Variants in KCNMB4 observed in about 807,000 individuals in gnomAD.
KCNMB4 encodes calcium-activated potassium channel subunit beta-4.
KCNMB4 carries 3 observed loss-of-function variants against 20.7 expected under a neutral mutation model. That is an observed-to-expected ratio of 0.14 (90% confidence interval 0.07 to 0.37). KCNMB4 has a LOEUF of 0.37. KCNMB4 is among the 10% of genes least tolerant of loss of function. The probability of loss-of-function intolerance (pLI) is 1.00; values close to 1 mark genes in which losing one functional copy is unlikely to be tolerated. For synonymous variants in KCNMB4, 110 were observed against 113.4 expected (o/e 0.97, Z 0.19); for missense variants, 168 against 265.9 (o/e 0.63, Z 2.56).
At chr12:70,392,473 G>A (rs1302464264) in intron 1 of KCNMB4, among the ~76,000 whole-genome samples, 1 of 152,062 alleles carries the variant, frequency 6.6e-6, no homozygotes, top group Admixed American at 6.5e-5. Flanking sequence ...ATGGTATACT[G>A]GGTATACTGG....
chr12:70,368,288 A>T (rs772738309), intron 1 of KCNMB4, among the ~76,000 whole-genome samples: 7 of 152,106 alleles, frequency 4.6e-5, no homozygotes, highest in Non-Finnish European at 8.8e-5. Context: ...ACTCTGCAAT[A>T]AAACTTGTGG....
At chr12:70,420,985 G>C (rs1402736923) in intron 2 of KCNMB4, among the ~76,000 whole-genome samples, 1 of 151,450 alleles carries the variant, frequency 6.6e-6, no homozygotes, top group Non-Finnish European at 1.5e-5. Flanking sequence ...CCTGGGAGGG[G>C]AGCTTCCAGT....
intron 2 of KCNMB4, among the ~76,000 whole-genome samples, chr12:70,420,505 A>G (rs2136140666): frequency 6.6e-6 from 1 of 152,224 alleles, no homozygotes; most frequent in South Asian, 2.1e-4. Context: ...GAATGCAGGA[A>G]AGGATGCTGG....
At chr12:70,392,762 C>T (rs1476334811) in intron 1 of KCNMB4, among the ~76,000 whole-genome samples, 1 of 152,060 alleles carries the variant, frequency 6.6e-6, no homozygotes, top group Non-Finnish European at 1.5e-5. Context: ...TGTTCTCACT[C>T]ATAAGTGGAA....
At chr12:70,390,662 G>A (rs1309858072) in intron 1 of KCNMB4, among the ~76,000 whole-genome samples, 3 of 152,156 alleles carry the variant, frequency 2.0e-5, no homozygotes, top group East Asian at 3.9e-4. Context: ...AAAGCTGGCA[G>A]GTTCTGGGTT....
chr12:70,400,636 C>G (rs1868424837), intron 2 of KCNMB4, among the ~76,000 whole-genome samples: 1 of 152,190 alleles, frequency 6.6e-6, no homozygotes, highest in Non-Finnish European at 1.5e-5. Flanking sequence ...TTTGCCAGCA[C>G]TTTTAGACTG....
intron 2 of KCNMB4, among the ~76,000 whole-genome samples, chr12:70,404,610 A>C (rs1160211956): frequency 6.6e-6 from 1 of 152,206 alleles, no homozygotes; most frequent in Non-Finnish European, 1.5e-5. Flanking sequence ...TGAGGGCATA[A>C]ACGAGAATAG....
intron 1 of KCNMB4, among the ~76,000 whole-genome samples, chr12:70,397,989 A>G (rs973419903): frequency 6.6e-6 from 1 of 152,214 alleles, no homozygotes; most frequent in African/African-American, 2.4e-5. Flanking sequence ...AATTGACTAT[A>G]ATGTAGAAAA....
At chr12:70,420,298 T>C (rs1351684310) in intron 2 of KCNMB4, among the ~76,000 whole-genome samples, 1 of 152,222 alleles carries the variant, frequency 6.6e-6, no homozygotes, top group East Asian at 1.9e-4. Flanking sequence ...GCTACCATGT[T>C]ACCTTGTATG....
At chr12:70,395,606 A>G (rs1868344103) in intron 1 of KCNMB4, among the ~76,000 whole-genome samples, 1 of 152,226 alleles carries the variant, frequency 6.6e-6, no homozygotes, top group Non-Finnish European at 1.5e-5. Context: ...CAAGCATTCC[A>G]TGTTGTGTGA....
intron 2 of KCNMB4, among the ~76,000 whole-genome samples, chr12:70,403,494 A>C (rs1868513474): frequency 6.6e-6 from 1 of 152,076 alleles, no homozygotes; most frequent in Non-Finnish European, 1.5e-5. Flanking sequence ...CACCATGCCC[A>C]GCTAATTTTT....
At chr12:70,404,684 T>G (rs1402675470) in intron 2 of KCNMB4, among the ~76,000 whole-genome samples, 1 of 152,174 alleles carries the variant, frequency 6.6e-6, no homozygotes, top group Non-Finnish European at 1.5e-5. Flanking sequence ...CAACAGAACT[T>G]AATGACAATG....
chr12:70,428,516 A>T (rs898416651), intron 2 of KCNMB4, among the ~76,000 whole-genome samples: 3 of 152,216 alleles, frequency 2.0e-5, no homozygotes, highest in Non-Finnish European at 2.9e-5. Context: ...TGAGCACTGT[A>T]CCTGGGAAAA....
intron 2 of KCNMB4, among the ~76,000 whole-genome samples, chr12:70,402,283 T>C (rs2136130535): frequency 6.6e-6 from 1 of 152,234 alleles, no homozygotes; most frequent in African/African-American, 2.4e-5. Flanking sequence ...TGTGATGTGT[T>C]GCAGGTAATC....
chr12:70,367,201 T>C lies in KCNMB4; in HGVS notation c.336+131T>C, dbSNP rs1883510618. 7 of 662,986 alleles carry C rather than the reference T, an allele frequency of 1.1e-5. No individual in the cohort carries two copies. In the South Asian group the frequency reaches 1.9e-4, roughly 18 times the overall value. The allele number at this position is 662,986 out of a possible 1,614,324, so 41.1% of individuals were successfully genotyped here. A position where few individuals can be genotyped will look rare whatever the true frequency, so the allele number is the denominator to read the frequency against. On this transcript the variant is annotated intron_variant, in intron 1 of 2. Coordinates refer to ENST00000258111, the MANE Select transcript of KCNMB4 (RefSeq NM_014505.6). ...GGAGGAGACCAGGTGGCGCAGGCTGTGCTCAAACCAGGAATGACTACATCA... is the reference window on the plus strand; with the variant it reads ...GGAGGAGACCAGGTGGCGCAGGCTGCGCTCAAACCAGGAATGACTACATCA...
At position 70,404,882 on chromosome 12, in the gene KCNMB4, G is replaced by T. The variant is rs112466836; in HGVS notation, c.464+4546G>T. Among the ~76,000 whole-genome samples, 84 of 152,294 alleles carry T rather than the reference G, an allele frequency of 5.5e-4. 1 individual carries two copies. The highest frequency in any genetic ancestry group is 1.9e-3 in the African/African-American group (79 of 41,568). On this transcript the variant is annotated intron_variant, in intron 2 of 2. Coordinates refer to ENST00000258111, the MANE Select transcript of KCNMB4 (RefSeq NM_014505.6). ...GCTATTCAGATGTGGGAATCATGGC[G>T]CACAAGCTGTAGTTGAAGCGAAGAC...
intron 2 of KCNMB4, among the ~76,000 whole-genome samples, chr12:70,404,645 T>G (rs910744816): frequency 6.6e-6 from 1 of 152,162 alleles, no homozygotes; most frequent in Non-Finnish European, 1.5e-5. Flanking sequence ...GCAACAAGGA[T>G]TATAGCAGTA....
intron 1 of KCNMB4, among the ~76,000 whole-genome samples, chr12:70,397,322 TG>T (rs1369554864): frequency 1.3e-5 from 2 of 152,304 alleles, no homozygotes; most frequent in Non-Finnish European, 2.9e-5. Flanking sequence ...CACTCCAGCC[TG>T]GGTCACAGAG....
At chr12:70,384,515 G>A (rs1426557905) in intron 1 of KCNMB4, among the ~76,000 whole-genome samples, 2 of 152,142 alleles carry the variant, frequency 1.3e-5, no homozygotes, top group Non-Finnish European at 2.9e-5. Flanking sequence ...CCCCGTTGGG[G>A]AAACACCTCG....
Sources: gnomAD v4.1 joint callset for allele counts (sites outside exome capture counted in the v4.1 genomes callset) on GRCh38, gnomAD v4.1.1 for gene constraint, MANE v1.5 for transcripts, NCBI Gene and HGNC (gene_info 2026-07-23, HGNC 2026-07-21) for gene names.